SLC44A5: variants seen among roughly 807,000 people sequenced by gnomAD.
SLC44A5 encodes the protein choline transporter-like protein 5.
SLC44A5 carries 57 observed loss-of-function variants against 101.8 expected under a neutral mutation model. The ratio of observed to expected loss-of-function variants is 0.56; its 90% CI spans 0.45 to 0.70. SLC44A5 has a LOEUF of 0.70. SLC44A5 is among the 30% of genes least tolerant of loss of function. The pLI, the probability that SLC44A5 is intolerant of heterozygous loss-of-function variation, is 0.00. For synonymous variants in SLC44A5, 281 were observed against 290.9 expected, an observed-to-expected ratio of 0.97 and a Z score of 0.35; for missense variants, 737 against 853.1, an observed-to-expected ratio of 0.86 and a Z score of 1.70.
chr1:75,613,718 C>T (rs998131776), upstream of SLC44A5, among the ~76,000 whole-genome samples: 1 of 152,178 alleles, frequency 6.6e-6, no homozygotes, highest in African/African-American at 2.4e-5. Context: ...ATTATTAATC[C>T]TTCCAGAGAA....
intron 1 of SLC44A5, among the ~76,000 whole-genome samples, chr1:75,550,459 T>C (rs1212038838): frequency 6.6e-6 from 1 of 152,008 alleles, no homozygotes; most frequent in African/African-American, 2.4e-5. Flanking sequence ...GTCCTGCAAT[T>C]AGACACCAGT....
At chr1:75,604,122 C>A (rs1300841143) in intron 1 of SLC44A5, among the ~76,000 whole-genome samples, 1 of 152,008 alleles carries the variant, frequency 6.6e-6, no homozygotes, top group Non-Finnish European at 1.5e-5. Flanking sequence ...CCTATGTTTT[C>A]TTCTAAGATT....
chr1:75,219,283 G>T lies in SLC44A5; in HGVS notation c.1240C>A (p.His414Asn). The change falls in exon 16 of 24, where the codon CAT (histidine) becomes AAT (asparagine). Residue 414 changes from histidine (H) to asparagine (N), a missense_variant. His to Asn is a moderately conservative substitution (Grantham distance 68). Transcript: ENST00000370859. ...KVIAPGGHCI[H>N]ENQTCDPEIF... The stretch of plus-strand genomic sequence containing the variant: ...TCTGGGTCACAGGTTTGATTTTCAT[G>T]TATACAATGCCCCCCTGGAGCTATG... 1.2e-6 allele frequency: 2 copies of T among 1,612,812 alleles called. No individual in the cohort carries two copies. Among genetic ancestry groups the T allele is most frequent in the Non-Finnish European group, 8.5e-7 (1 of 1,178,982 alleles).
At chr1:75,610,168 CACACACAT>C (rs1675571980) in intron 1 of SLC44A5, among the ~76,000 whole-genome samples, 1 of 148,424 alleles carries the variant, frequency 6.7e-6, no homozygotes, top group Non-Finnish European at 1.5e-5. Flanking sequence ...CACACACACA[CACACACAT>C]AGTGAAGTCT....
At chr1:75,607,855 A>G (rs992317263) in intron 1 of SLC44A5, among the ~76,000 whole-genome samples, 3 of 151,994 alleles carry the variant, frequency 2.0e-5, no homozygotes, top group Non-Finnish European at 4.4e-5. Flanking sequence ...TCTTTCCTTT[A>G]TAAGTTACCC....
intron 13 of SLC44A5, among the ~76,000 whole-genome samples, chr1:75,223,075 G>T (rs1275338099): frequency 6.6e-6 from 1 of 152,160 alleles, no homozygotes; most frequent in African/African-American, 2.4e-5. Flanking sequence ...ATCTTGAATT[G>T]AAGGTTATAC....
the SLC44A5 span, among the ~76,000 whole-genome samples, chr1:75,722,047 G>C: frequency 6.6e-6 from 1 of 152,182 alleles, no homozygotes; most frequent in African/African-American, 2.4e-5. Flanking sequence ...CCTTGTAGGA[G>C]ACATATAGCT....
chr1:75,396,572 C>G lies in SLC44A5; in HGVS notation c.52+11G>C. The stretch of plus-strand genomic sequence containing the variant: ...AGATTCTTAGCACTTAATACTCAGA[C>G]TATGACTTACCAAAGTCCTCTTCCT... On this transcript the variant is annotated intron_variant, in intron 3 of 23. Coordinates refer to ENST00000370859, the MANE Select transcript of SLC44A5 (RefSeq NM_001130058.2). The G allele has an allele frequency of 6.2e-7, 1 of 1,608,662 alleles. No individual in the cohort carries two copies. The highest frequency in any genetic ancestry group is 1.3e-5 in the African/African-American group (1 of 74,918).
chr1:75,216,200 A>G (rs1002068288), intron 18 of SLC44A5, among the ~76,000 whole-genome samples: 1 of 151,994 alleles, frequency 6.6e-6, no homozygotes, highest in African/African-American at 2.4e-5. Context: ...AGGTGCTTCA[A>G]ATAGGAGGAA....
intron 3 of SLC44A5, among the ~76,000 whole-genome samples, chr1:75,343,320 A>G (rs1391711166): frequency 1.3e-5 from 2 of 152,198 alleles, no homozygotes; most frequent in Non-Finnish European, 2.9e-5. Context: ...TTGCAGCCAT[A>G]CAATGCAATT....
At chr1:75,712,551 A>G in the SLC44A5 span, among the ~76,000 whole-genome samples, 9 of 152,212 alleles carry the variant, frequency 5.9e-5, no homozygotes, top group Non-Finnish European at 1.2e-4. Context: ...TTTCATTGGC[A>G]AGGCTGACAA....
the SLC44A5 span, among the ~76,000 whole-genome samples, chr1:75,646,498 G>T: frequency 6.6e-6 from 1 of 152,120 alleles, no homozygotes; most frequent in Non-Finnish European, 1.5e-5. Context: ...TATTTCTATG[G>T]ACAGTTGATA....
At chr1:75,390,550 G>T (rs1307440124) in intron 3 of SLC44A5, among the ~76,000 whole-genome samples, 1 of 152,000 alleles carries the variant, frequency 6.6e-6, no homozygotes, top group East Asian at 1.9e-4. Flanking sequence ...CACATCAACA[G>T]AATTAAAAAC....
At chr1:75,478,086 T>A (rs543088884) in intron 2 of SLC44A5, among the ~76,000 whole-genome samples, 150 of 152,222 alleles carry the variant, frequency 9.9e-4, no homozygotes, top group African/African-American at 3.5e-3. Flanking sequence ...GAAGAGAGTA[T>A]GGGCCAATAT....
chr1:75,278,237 TA>T (rs1570549738), intron 5 of SLC44A5, among the ~76,000 whole-genome samples: 2 of 59,010 alleles, frequency 3.4e-5, no homozygotes, highest in East Asian at 7.0e-3. Context: ...GTAAATAAAA[TA>T]TATTAAGTTA....
At chr1:75,432,535 T>A (rs747022112) in intron 2 of SLC44A5, among the ~76,000 whole-genome samples, 1 of 152,214 alleles carries the variant, frequency 6.6e-6, no homozygotes, top group Non-Finnish European at 1.5e-5. Context: ...TTATTTTACA[T>A]GATCACCAAT....
intron 2 of SLC44A5, among the ~76,000 whole-genome samples, chr1:75,478,221 C>A (rs1313662262): frequency 4.6e-5 from 7 of 151,940 alleles, no homozygotes; most frequent in Admixed American, 3.9e-4. Context: ...TTGTCACCAC[C>A]AGGCCTGCCC....
In SLC44A5 at chr1:75,548,482, T is replaced by TA. The variant is rs1428442576; in HGVS notation, c.-69-6967dup. 2.0e-5 allele frequency among the ~76,000 whole-genome samples: 3 copies of TA among 152,164 alleles called. 1 individual carries two copies. The highest frequency in any genetic ancestry group is 4.4e-5 in the Non-Finnish European group (3 of 67,998). Reference sequence around the variant, plus strand: ...CTACTAAATATTACTAATTTTTTTTTATTTCTGAAGCTCTCTTTCTAGACT... The same window carrying TA: ...CTACTAAATATTACTAATTTTTTTTTAATTTCTGAAGCTCTCTTTCTAGACT... On this transcript the variant is annotated intron_variant, in intron 1 of 23. Transcript: ENST00000370859.
rs78966969 is a variant in SLC44A5, at chr1:75,547,839, G to A, written c.-69-6323C>T. Among the ~76,000 whole-genome samples the A allele has an allele frequency of 8.7e-3, 1,317 of 152,106 alleles. 17 individuals are homozygous for A. Among genetic ancestry groups the A allele is most frequent in the Middle Eastern group, 0.031 (9 of 294 alleles). ...ATCCACCTTACAGTCCTGATTTGGCGCCTTCTAACTTCTTTTTGTTTCTTA... is the reference window on the plus strand; with the variant it reads ...ATCCACCTTACAGTCCTGATTTGGCACCTTCTAACTTCTTTTTGTTTCTTA... On this transcript the variant is annotated intron_variant, in intron 1 of 23. Transcript: ENST00000370859.
Sources: gnomAD v4.1 joint callset for allele counts (sites outside exome capture counted in the v4.1 genomes callset) on GRCh38, gnomAD v4.1.1 for gene constraint, MANE v1.5 for transcripts, NCBI Gene and HGNC (gene_info 2026-07-23, HGNC 2026-07-21) for gene names.